Variants in CNR2 observed in about 807,000 individuals in gnomAD.
CNR2 encodes cannabinoid receptor 2 (macrophage).
For missense variants in CNR2, 379 were observed against 439.9 expected (o/e 0.86, Z 1.24); for synonymous variants, 172 against 182.2 (o/e 0.94, Z 0.45).
chr1:23,883,417 TAGA>T (rs1003444437), intron 1 of CNR2, among the ~76,000 whole-genome samples: 3 of 152,196 alleles, frequency 2.0e-5, no homozygotes, highest in African/African-American at 7.2e-5. Context: ...ATTTTTGAAA[TAGA>T]AGAACAATTC....
chr1:23,887,664 G>T (rs1390895323), intron 1 of CNR2, among the ~76,000 whole-genome samples: 1 of 152,142 alleles, frequency 6.6e-6, no homozygotes, highest in African/African-American at 2.4e-5. Context: ...TCTAGACAGG[G>T]CCTTTTTCCA....
At position 23,871,401 on chromosome 1, in the gene CNR2, G is replaced by A. The variant is rs563234478; in HGVS notation, c.*3134C>T. On this transcript the variant is annotated 3_prime_UTR_variant, in exon 2 of 2. Transcript: ENST00000374472. ...TTAAGGAATGACAGTATATAAACATGCAAATTCACTTTTAAACATTTATGC... is the reference window on the plus strand; with the variant it reads ...TTAAGGAATGACAGTATATAAACATACAAATTCACTTTTAAACATTTATGC... 6.6e-6 allele frequency: 1 copy of A among 152,294 alleles called. No individual in the cohort carries two copies. Among genetic ancestry groups the A allele is most frequent in the South Asian group, 2.1e-4 (1 of 4,824 alleles). The allele number at this position is 152,294 out of a possible 1,614,324, so 9.4% of individuals were successfully genotyped here.
At chr1:23,901,743 C>T in intron 1 of CNR2, 2 of 1,424,680 alleles carry the variant, frequency 1.4e-6, no homozygotes, top group South Asian at 2.3e-5. Flanking sequence ...GCCAGAACTA[C>T]CCCAAGCCTC....
At chr1:23,880,836 C>G (rs1235458385) in intron 1 of CNR2, among the ~76,000 whole-genome samples, 2 of 150,242 alleles carry the variant, frequency 1.3e-5, no homozygotes, top group Non-Finnish European at 3.0e-5. Flanking sequence ...AGATGTGAGC[C>G]ACCACACCCA....
intron 1 of CNR2, among the ~76,000 whole-genome samples, chr1:23,907,539 GA>G (rs1640517713): frequency 6.6e-6 from 1 of 151,774 alleles, no homozygotes; most frequent in Admixed American, 6.6e-5. Flanking sequence ...TGCCCGGGCT[GA>G]AGTGCAGTGG....
At chr1:23,909,251 T>C (rs1318108677) in intron 1 of CNR2, among the ~76,000 whole-genome samples, 1 of 152,172 alleles carries the variant, frequency 6.6e-6, no homozygotes, top group African/African-American at 2.4e-5. Context: ...TTGAGGTCTT[T>C]GCTGCATGGC....
chr1:23,890,276 AAAAG>A (rs1640163987), intron 1 of CNR2, among the ~76,000 whole-genome samples: 5 of 137,026 alleles, frequency 3.6e-5, no homozygotes, highest in African/African-American at 1.1e-4. Context: ...AAAAAAAAAG[AAAAG>A]AAAAGAAAAG....
chr1:23,900,989 C>A (rs1227172158), intron 1 of CNR2, among the ~76,000 whole-genome samples: 1 of 152,092 alleles, frequency 6.6e-6, no homozygotes, highest in Non-Finnish European at 1.5e-5. Flanking sequence ...TGTTCACTCC[C>A]GTATCTTAAG....
chr1:23,874,952 G>A lies in CNR2; in HGVS notation c.666C>T (p.Ser222=), dbSNP rs762114792. The change falls in exon 2 of 2, where the codon AGC becomes AGT. Residue 222 remains serine, a synonymous_variant. Coordinates refer to ENST00000374472, the MANE Select transcript of CNR2 (RefSeq NM_001841.3). ...CCTGCCTGTCCTGGTGGCCAGACAAGCTGGCCACATGCTGATGGGCCTTCC... is the reference window on the plus strand; with the variant it reads ...CCTGCCTGTCCTGGTGGCCAGACAAACTGGCCACATGCTGATGGGCCTTCC... ...VLWKAHQHVA[S]LSGHQDRQVP... is the part of the protein sequence containing the mutation. 6.2e-7 allele frequency: 1 copy of A among 1,611,354 alleles called. No individual in the cohort carries two copies. Among genetic ancestry groups the A allele is most frequent in the Non-Finnish European group, 8.5e-7 (1 of 1,178,420 alleles).
At chr1:23,891,526 G>C (rs533426261) in intron 1 of CNR2, among the ~76,000 whole-genome samples, 2 of 149,606 alleles carry the variant, frequency 1.3e-5, no homozygotes, top group South Asian at 4.2e-4. Context: ...GGCTGAGGCA[G>C]GAGAATTGCT....
At chr1:23,908,919 G>C (rs976195560) in intron 1 of CNR2, among the ~76,000 whole-genome samples, 1 of 152,114 alleles carries the variant, frequency 6.6e-6, no homozygotes, top group South Asian at 2.1e-4. Flanking sequence ...GAGCCTCTGA[G>C]AGACAGGTGG....
intron 1 of CNR2, chr1:23,902,692 C>G: frequency 6.3e-7 from 1 of 1,593,218 alleles, no homozygotes; most frequent in Non-Finnish European, 8.5e-7. Context: ...ACGTCGGCCA[C>G]GAGCTCGTTG....
chr1:23,906,354 C>G (rs1640485317), intron 1 of CNR2, among the ~76,000 whole-genome samples: 1 of 151,926 alleles, frequency 6.6e-6, no homozygotes, highest in Non-Finnish European at 1.5e-5. Flanking sequence ...GAGGATTAAA[C>G]AGTATGTATG....
chr1:23,877,590 C>T (rs1272716904), intron 1 of CNR2, among the ~76,000 whole-genome samples: 1 of 149,578 alleles, frequency 6.7e-6, no homozygotes, highest in African/African-American at 2.5e-5. Context: ...AGCCGAGAGC[C>T]GAGATGGCGC....
At position 23,901,868 on chromosome 1, in the gene CNR2, C is replaced by T. The variant is rs1183969317; in HGVS notation, c.-46+11378G>A. ...AAACTGGATGCTGTCGCAGCGCCCG[C>T]AGTACTGGCATTGGTTGCTGCGGTA... On this transcript the variant is annotated intron_variant, in intron 1 of 1. Coordinates refer to ENST00000374472, the MANE Select transcript of CNR2 (RefSeq NM_001841.3). 7.5e-6 allele frequency: 12 copies of T among 1,609,302 alleles called. No individual in the cohort carries two copies. The East Asian group carries it at 1.6e-4, about 21-fold the overall frequency.
chr1:23,884,714 G>A (rs897879749), intron 1 of CNR2, among the ~76,000 whole-genome samples: 2 of 152,146 alleles, frequency 1.3e-5, no homozygotes, highest in Non-Finnish European at 1.5e-5. Flanking sequence ...GAGGCCACAC[G>A]GCTGGTCGAG....
At chr1:23,882,591 A>T (rs1327653469) in intron 1 of CNR2, among the ~76,000 whole-genome samples, 2 of 145,214 alleles carry the variant, frequency 1.4e-5, no homozygotes, top group East Asian at 4.2e-4. Flanking sequence ...GGATCACCTG[A>T]GGTCAGGAGT....
At position 23,883,241 on chromosome 1, in the gene CNR2, G is replaced by A. The variant is rs60025445; in HGVS notation, c.-45-7579C>T. On this transcript the variant is annotated intron_variant, in intron 1 of 1. Transcript: ENST00000374472. Reference sequence around the variant, plus strand: ...TGCTGGAGAAGGCGTGGAGCCAAAAGAACTCTCATTGCGATGGGGGTGTAA... The same window carrying A: ...TGCTGGAGAAGGCGTGGAGCCAAAAAAACTCTCATTGCGATGGGGGTGTAA... 2.8e-3 allele frequency among the ~76,000 whole-genome samples: 424 copies of A among 152,316 alleles called. 3 individuals are homozygous for A. Among genetic ancestry groups the A allele is most frequent in the African/African-American group, 9.9e-3 (413 of 41,578 alleles).
chr1:23,882,788 C>T (rs1328480713), intron 1 of CNR2, among the ~76,000 whole-genome samples: 2 of 152,048 alleles, frequency 1.3e-5, no homozygotes, highest in African/African-American at 2.4e-5. Context: ...CCACTGCACT[C>T]CAGCCTGGAC....
Sources: allele counts gnomAD v4.1 joint callset (sites outside exome capture counted in the v4.1 genomes callset), GRCh38; gene constraint gnomAD v4.1.1; transcripts MANE v1.5; gene names NCBI Gene and HGNC (gene_info 2026-07-23, HGNC 2026-07-21).